Variants in ICA1 observed in about 807,000 individuals in gnomAD.
ICA1 encodes the protein islet cell autoantigen 1, also known as 69 kDa islet cell autoantigen.
In ICA1, 40 loss-of-function variants were observed where a neutral mutation model predicts 71.0. The observed-to-expected ratio is 0.56, with a 90% confidence interval of 0.44 to 0.73. The LOEUF is 0.73. Among genes scored for constraint, ICA1 ranks in the 30% least tolerant of loss-of-function variants. ICA1 has a pLI of 0.00. For missense variants in ICA1, 578 were observed against 576.5 expected (o/e 1.00, Z -0.03); for synonymous variants, 207 against 209.5 (o/e 0.99, Z 0.10).
chr7:8,227,730 C>T (rs746876810), intron 4 of ICA1: 15 of 412,878 alleles, frequency 3.6e-5, no homozygotes, highest in South Asian at 1.2e-4. Context: ...TGCACATGCA[C>T]GGTACCCGGA....
intron 13 of ICA1, among the ~76,000 whole-genome samples, chr7:8,121,655 T>G (rs182768252): frequency 5.3e-5 from 8 of 152,306 alleles, no homozygotes; most frequent in Middle Eastern, 3.4e-3. Context: ...TACAAAAATA[T>G]AGTTAGATAG....
chr7:8,204,272 T>C (rs868408232), intron 6 of ICA1, among the ~76,000 whole-genome samples: 4 of 152,196 alleles, frequency 2.6e-5, no homozygotes, highest in Non-Finnish European at 4.4e-5. Context: ...TGTAGTAATA[T>C]GGGGCTGGAA....
At chr7:8,122,824 A>G (rs1037375110) in intron 13 of ICA1, among the ~76,000 whole-genome samples, 1 of 152,264 alleles carries the variant, frequency 6.6e-6, no homozygotes, top group African/African-American at 2.4e-5. Flanking sequence ...TGTTTTTGGG[A>G]ATTTGGAACA....
At chr7:8,194,909 T>A (rs569040402) in intron 6 of ICA1, among the ~76,000 whole-genome samples, 1 of 152,286 alleles carries the variant, frequency 6.6e-6, no homozygotes, top group Admixed American at 6.5e-5. Flanking sequence ...AATTTTTTTA[T>A]GTTGAGTTGA....
At chr7:8,158,251 T>C in intron 7 of ICA1, 2 of 383,436 alleles carry the variant, frequency 5.2e-6, no homozygotes, top group South Asian at 8.5e-5. Context: ...GAATGGAATT[T>C]GGAAAGGCAC....
rs541091314 is a variant in ICA1, at chr7:8,119,694, A to G, written c.1331-5650T>C. Among the ~76,000 whole-genome samples the G allele has an allele frequency of 5.9e-5, 9 of 151,996 alleles. No homozygotes were observed. The East Asian group carries it at 7.7e-4, about 13-fold the overall frequency. ...AACCCTGTCTCTACTAAAAAGACAA[A>G]AATTAGCCGGGTGTGGTGGCGGGCA... On this transcript the variant is annotated intron_variant, in intron 13 of 13. Coordinates refer to ENST00000402384, the MANE Select transcript of ICA1 (RefSeq NM_001136020.3).
chr7:8,216,841 C>T (rs577512705), intron 6 of ICA1, among the ~76,000 whole-genome samples: 5 of 152,160 alleles, frequency 3.3e-5, no homozygotes, highest in East Asian at 1.9e-4. Flanking sequence ...TCATTTTCCT[C>T]GCTTATAAAA....
chr7:8,168,453 T>C (rs1214889125), intron 6 of ICA1, among the ~76,000 whole-genome samples: 2 of 152,142 alleles, frequency 1.3e-5, no homozygotes, highest in African/African-American at 4.8e-5. Context: ...CAGGTGTATT[T>C]GGTTGTATAA....
chr7:8,200,683 A>T (rs527483900), intron 6 of ICA1, among the ~76,000 whole-genome samples: 1 of 152,234 alleles, frequency 6.6e-6, no homozygotes, highest in Admixed American at 6.5e-5. Context: ...ACTGTAGTTG[A>T]CTACTGAAAA....
chr7:8,242,156 A>C (rs1468921141), intron 1 of ICA1, among the ~76,000 whole-genome samples: 1 of 152,222 alleles, frequency 6.6e-6, no homozygotes, highest in Non-Finnish European at 1.5e-5. Flanking sequence ...AATTGAACAC[A>C]TAACTGGAAA....
At chr7:8,241,248 G>A (rs576824529) in intron 1 of ICA1, among the ~76,000 whole-genome samples, 99 of 152,306 alleles carry the variant, frequency 6.5e-4, no homozygotes, top group African/African-American at 2.1e-3. Flanking sequence ...AGAAGCGAGT[G>A]GGGGCCAATA....
At chr7:8,221,458 C>A in intron 4 of ICA1, 60 bp from the exon 5 acceptor site, 1 of 1,577,046 alleles carries the variant, frequency 6.3e-7, no homozygotes, top group Non-Finnish European at 8.7e-7. Context: ...GCAAAGGGAA[C>A]AAGAAAGACA....
chr7:8,260,381 T>C (rs1481724728), intron 1 of ICA1, among the ~76,000 whole-genome samples: 1 of 152,106 alleles, frequency 6.6e-6, no homozygotes, highest in African/African-American at 2.4e-5. Context: ...GTGTTCCAAA[T>C]GGGGGAAAAT....
intron 6 of ICA1, among the ~76,000 whole-genome samples, chr7:8,209,422 G>C (rs943484079): frequency 2.0e-5 from 3 of 152,118 alleles, no homozygotes; most frequent in Non-Finnish European, 2.9e-5. Flanking sequence ...TATCTTCTAG[G>C]ATGTTAATAT....
intron 1 of ICA1, among the ~76,000 whole-genome samples, chr7:8,243,956 T>C (rs979685089): frequency 1.3e-5 from 2 of 152,132 alleles, no homozygotes; most frequent in Non-Finnish European, 2.9e-5. Context: ...TGCTCATGGA[T>C]AGGAAGAATC....
At chr7:8,205,392 T>C (rs1188277705) in intron 6 of ICA1, among the ~76,000 whole-genome samples, 1 of 152,198 alleles carries the variant, frequency 6.6e-6, no homozygotes, top group African/African-American at 2.4e-5. Context: ...ACATAGTCTC[T>C]AGTAACCCTC....
intron 8 of ICA1, among the ~76,000 whole-genome samples, chr7:8,152,796 T>TCCTCCACCACCA (rs1799780610): frequency 2.0e-5 from 1 of 49,598 alleles, no homozygotes; most frequent in Admixed American, 2.0e-4. Context: ...CACCATCACC[T>TCCTCCACCACCA]CCACCACCAC....
At chr7:8,192,219 A>G (rs1037612986) in intron 6 of ICA1, among the ~76,000 whole-genome samples, 3 of 152,250 alleles carry the variant, frequency 2.0e-5, no homozygotes, top group African/African-American at 7.2e-5. Flanking sequence ...TCTATAACAA[A>G]AGAAAATCTA....
intron 4 of ICA1, chr7:8,227,833 G>T: frequency 2.2e-6 from 1 of 448,918 alleles, no homozygotes. Flanking sequence ...TGATCCTCCT[G>T]CCTTGGCCTC....
Sources: gnomAD v4.1 joint callset for allele counts (sites outside exome capture counted in the v4.1 genomes callset) on GRCh38, gnomAD v4.1.1 for gene constraint, MANE v1.5 for transcripts, NCBI Gene and HGNC (gene_info 2026-07-23, HGNC 2026-07-21) for gene names.